TEX10: variants seen among roughly 807,000 people sequenced by gnomAD.
The protein encoded by TEX10 is testis expressed 10.
TEX10 carries 24 observed loss-of-function variants against 104.4 expected under a neutral mutation model. That is an observed-to-expected ratio of 0.23 (90% confidence interval 0.17 to 0.32). The LOEUF (loss-of-function observed/expected upper bound fraction) is 0.32, where lower values mean the gene tolerates loss of function less well. Among genes scored for constraint, TEX10 ranks in the 10% least tolerant of loss-of-function variants. The pLI, the probability that TEX10 is intolerant of heterozygous loss-of-function variation, is 1.00. For synonymous variants in TEX10, 396 were observed against 393.4 expected (o/e 1.01, Z -0.08); for missense variants, 921 against 1,083.9 (o/e 0.85, Z 2.11).
Position 100,330,139 on chromosome 9 carries a change from G to A in TEX10, c.1281C>T (p.Asn427=), listed in dbSNP as rs771642777. 1 of 1,613,422 alleles carries A rather than the reference G, an allele frequency of 6.2e-7. No homozygotes were observed. The highest frequency in any genetic ancestry group is 8.5e-7 in the Non-Finnish European group (1 of 1,179,664). Residue 427 remains asparagine (N), a synonymous_variant, in exon 6 of 15, where the codon AAC becomes AAT. Transcript: ENST00000374902. The part of the protein sequence containing the change: ...SIKHCTVLSN[N]IDHLLLNLTL... ...TTAAATTCAGTAAGAGATGATCTAT[G>A]TTATTGGAGAGAACTGTGCAATGCT...
chr9:100,346,086 C>T lies in TEX10; in HGVS notation c.1123G>A (p.Glu375Lys). ...LLWKLSKQQD[E>K]THKLESWLRK... The stretch of plus-strand genomic sequence containing the variant: ...TTAGTTCTCACCAATTTATGGGTTT[C>T]ATCCTGTTGTTTAGAGAGTTTCCAC... Residue 375 changes from glutamate to lysine, a missense_variant, in exon 4 of 15, where the codon GAA (glutamate) becomes AAA (lysine). Glu to Lys is a moderately conservative substitution (Grantham distance 56). Transcript: ENST00000374902. 6.2e-7 allele frequency: 1 copy of T among 1,612,928 alleles called. No homozygotes were observed. Among genetic ancestry groups the T allele is most frequent in the Admixed American group, 1.7e-5 (1 of 59,872 alleles).
intron 12 of TEX10, 129 bp from the exon 13 acceptor site, chr9:100,308,810 T>C (rs1588163869): frequency 1.5e-6 from 1 of 675,288 alleles, no homozygotes; most frequent in Non-Finnish European, 2.2e-6. Context: ...ACCTAACATA[T>C]GCCACCTGCC....
Position 100,340,250 on chromosome 9 carries a change from A to G in TEX10, c.1250+7T>C, listed in dbSNP as rs779708404. 6.6e-7 allele frequency: 1 copy of G among 1,517,364 alleles called. No homozygotes were observed. 94.0% of individuals were successfully genotyped at this position (1,517,364 alleles called of 1,614,324 possible). ...CAAGGTTATACAGTGAAAAAGAATCATAATACCTTTTATTTGGCTCTTTCC... is the reference window on the plus strand; with the variant it reads ...CAAGGTTATACAGTGAAAAAGAATCGTAATACCTTTTATTTGGCTCTTTCC... On this transcript the variant is annotated splice_region_variant and intron_variant, in intron 5 of 14. Coordinates refer to ENST00000374902, the MANE Select transcript of TEX10 (RefSeq NM_017746.4).
chr9:100,326,035 C>A (rs1211808769), intron 9 of TEX10, among the ~76,000 whole-genome samples: 1 of 152,116 alleles, frequency 6.6e-6, no homozygotes, highest in Non-Finnish European at 1.5e-5. Flanking sequence ...GACACCATCA[C>A]CTACCAATAA....
intron 11 of TEX10, among the ~76,000 whole-genome samples, chr9:100,317,279 G>C (rs1834445114): frequency 6.6e-6 from 1 of 152,008 alleles, no homozygotes; most frequent in South Asian, 2.1e-4. Context: ...CAACAACATG[G>C]TACTGCTATA....
Position 100,352,900 on chromosome 9 carries a change from G to GTCCTCACGCGGCCGCGTC in TEX10, c.-156_-139dup. On this transcript the variant is annotated 5_prime_UTR_variant, in exon 1 of 15. Transcript: ENST00000374902. ...CCGGAGCGTGTTTTCAAATAGCCTC[G>GTCCTCACGCGGCCGCGTC]TCCTCACGCGGCCGCGTCTCCTTCC... is the stretch of plus-strand genomic sequence containing the variant. 1.0e-6 allele frequency: 1 copy of GTCCTCACGCGGCCGCGTC among 991,708 alleles called. No homozygotes were observed. Among genetic ancestry groups the GTCCTCACGCGGCCGCGTC allele is most frequent in the Non-Finnish European group, 1.2e-6 (1 of 834,714 alleles). 61.4% of individuals were successfully genotyped at this position (991,708 alleles called of 1,614,324 possible).
chr9:100,349,406 T>TAG lies in TEX10; in HGVS notation c.-9-36_-9-35dup, dbSNP rs543835240. The TAG allele has an allele frequency of 4.5e-5, 64 of 1,420,360 alleles. 1 individual carries two copies. The Admixed American group carries it at 1.6e-3, about 35-fold the overall frequency. The allele number at this position is 1,420,360 out of a possible 1,614,324, so 88.0% of individuals were successfully genotyped here. On this transcript the variant is annotated intron_variant, in intron 1 of 14. Coordinates refer to ENST00000374902, the MANE Select transcript of TEX10 (RefSeq NM_017746.4). ...AAAAGAATTAATTAAAAGCAATGGA[T>TAG]AGAGACAAGAATAAATTATGAAAAA... is the stretch of plus-strand genomic sequence containing the variant.
intron 4 of TEX10, 68 bp downstream of exon 4, chr9:100,346,004 T>C (rs1281855770): frequency 5.9e-6 from 9 of 1,516,474 alleles, no homozygotes; most frequent in Admixed American, 2.1e-5. Flanking sequence ...AATGAGCTGA[T>C]TTCGAATCTT....
intron 5 of TEX10, among the ~76,000 whole-genome samples, chr9:100,333,243 T>C (rs2118897823): frequency 1.3e-5 from 2 of 152,134 alleles, no homozygotes; most frequent in South Asian, 4.1e-4. Context: ...GGATTACAGG[T>C]GTGAGCCACT....
At position 100,302,141 on chromosome 9, in the gene TEX10, A is replaced by G; in HGVS notation, c.*50T>C. 8.8e-7 allele frequency: 1 copy of G among 1,130,540 alleles called. No individual in the cohort carries two copies. Among genetic ancestry groups the G allele is most frequent in the Non-Finnish European group, 1.2e-6 (1 of 802,474 alleles). 70.0% of individuals were successfully genotyped at this position (1,130,540 alleles called of 1,614,324 possible). A position where few individuals can be genotyped will look rare whatever the true frequency, so the allele number is the denominator to read the frequency against. On this transcript the variant is annotated 3_prime_UTR_variant, in exon 15 of 15. Transcript: ENST00000374902. ...CTATTACATCAGTCTTTTTCTTCAA[A>G]TAAGATAGATGTGAATAAACAACTT...
intron 5 of TEX10, among the ~76,000 whole-genome samples, chr9:100,331,620 G>C (rs77717889): frequency 6.6e-6 from 1 of 152,134 alleles, no homozygotes. Flanking sequence ...GTTAAGACCC[G>C]GAACGACAAA....
At chr9:100,310,452 T>C in intron 11 of TEX10, 73 bp from the exon 12 acceptor site, 1 of 1,378,230 alleles carries the variant, frequency 7.3e-7, no homozygotes, top group East Asian at 2.4e-5. Context: ...CAGATTCTTT[T>C]TTTTGAGACA....
intron 5 of TEX10, among the ~76,000 whole-genome samples, chr9:100,333,715 T>G (rs1587733428): frequency 1.3e-5 from 2 of 150,738 alleles, no homozygotes; most frequent in East Asian, 3.9e-4. Flanking sequence ...CTCCCCATTT[T>G]CAAGACTCCC....
rs1430221321 is a variant in TEX10, at chr9:100,352,893, T to C, written c.-131A>G. ...CTAGCTCCCGGAGCGTGTTTTCAAA[T>C]AGCCTCGTCCTCACGCGGCCGCGTC... On this transcript the variant is annotated 5_prime_UTR_variant, in exon 1 of 15. Transcript: ENST00000374902. The C allele has an allele frequency of 1.7e-5, 17 of 992,992 alleles. No individual in the cohort carries two copies. The highest frequency in any genetic ancestry group is 1.1e-4 in the East Asian group (1 of 8,954). The allele number at this position is 992,992 out of a possible 1,614,324, so 61.5% of individuals were successfully genotyped here.
chr9:100,303,242 GA>G (rs1000411008), intron 14 of TEX10, among the ~76,000 whole-genome samples: 4 of 151,960 alleles, frequency 2.6e-5, no homozygotes, highest in Admixed American at 2.0e-4. Context: ...TTACAGATAG[GA>G]AAACAAGCTT....
chr9:100,345,142 C>A (rs959581710), intron 4 of TEX10, among the ~76,000 whole-genome samples: 17 of 152,202 alleles, frequency 1.1e-4, no homozygotes, highest in African/African-American at 4.1e-4. Flanking sequence ...TGCAATGAAT[C>A]ATAAAACAAA....
intron 11 of TEX10, among the ~76,000 whole-genome samples, chr9:100,318,582 A>G (rs766231194): frequency 3.9e-5 from 6 of 152,232 alleles, no homozygotes; most frequent in Non-Finnish European, 8.8e-5. Flanking sequence ...ATGTAACAAA[A>G]CTGCATTTGT....
intron 11 of TEX10, among the ~76,000 whole-genome samples, chr9:100,319,800 C>CT (rs1834520201): frequency 6.6e-6 from 1 of 151,922 alleles, no homozygotes; most frequent in African/African-American, 2.4e-5. Context: ...GAGCAAAACT[C>CT]TGTCTCAAAA....
rs1196603737 is a variant in TEX10, at chr9:100,352,925, C to T, written c.-163G>A. On this transcript the variant is annotated 5_prime_UTR_variant, in exon 1 of 15. Transcript: ENST00000374902. ...GTCCTCACGCGGCCGCGTCTCCTTCCGCCGCCCGGAAATCAGGGCCCCTCC... is the reference window on the plus strand; with the variant it reads ...GTCCTCACGCGGCCGCGTCTCCTTCTGCCGCCCGGAAATCAGGGCCCCTCC... 3.0e-6 allele frequency: 3 copies of T among 991,006 alleles called. No individual in the cohort carries two copies. The highest frequency in any genetic ancestry group is 3.6e-6 in the Non-Finnish European group (3 of 834,118). 61.4% of individuals were successfully genotyped at this position (991,006 alleles called of 1,614,324 possible). A position where few individuals can be genotyped will look rare whatever the true frequency, so the allele number is the denominator to read the frequency against.
Sources: allele counts gnomAD v4.1 joint callset (sites outside exome capture counted in the v4.1 genomes callset), GRCh38; gene constraint gnomAD v4.1.1; transcripts MANE v1.5; gene names NCBI Gene and HGNC (gene_info 2026-07-23, HGNC 2026-07-21).